Variants in PITPNC1 observed in about 807,000 individuals in gnomAD.
PITPNC1 encodes the protein cytoplasmic phosphatidylinositol transfer protein 1.
In PITPNC1, 18 loss-of-function variants were observed where a neutral mutation model predicts 44.7. The ratio of observed to expected loss-of-function variants is 0.40; its 90% CI spans 0.28 to 0.60. The LOEUF (loss-of-function observed/expected upper bound fraction) is 0.60, where lower values mean the gene tolerates loss of function less well. Among genes scored for constraint, PITPNC1 ranks in the 20% least tolerant of loss-of-function variants. The pLI is 0.39. For missense variants in PITPNC1, 290 were observed against 418.4 expected (o/e 0.69, Z 2.68); for synonymous variants, 141 against 149.6 (o/e 0.94, Z 0.42).
chr17:67,548,505 C>A (rs185754400), intron 2 of PITPNC1, among the ~76,000 whole-genome samples: 5 of 152,108 alleles, frequency 3.3e-5, no homozygotes, highest in South Asian at 2.1e-4. Flanking sequence ...GCTGGAGAAT[C>A]GCTTGGACCT....
At chr17:67,619,299 G>A (rs1178290057) in intron 5 of PITPNC1, among the ~76,000 whole-genome samples, 2 of 152,136 alleles carry the variant, frequency 1.3e-5, no homozygotes, top group African/African-American at 4.8e-5. Flanking sequence ...TTGGCAAAGA[G>A]TTCTATCTGG....
At chr17:67,589,093 A>C (rs1398873310) in intron 5 of PITPNC1, among the ~76,000 whole-genome samples, 1 of 152,220 alleles carries the variant, frequency 6.6e-6, no homozygotes, top group Admixed American at 6.5e-5. Flanking sequence ...GTGGAAAGTC[A>C]ATGTTCTTAT....
intron 6 of PITPNC1, among the ~76,000 whole-genome samples, chr17:67,663,427 G>A (rs2642045): frequency 0.2 from 30,240 of 151,896 alleles, 3,520 homozygotes; most frequent in African/African-American, 0.32. Context: ...AAAATTAGCC[G>A]GGCATGGTGG....
chr17:67,590,661 G>A (rs185741960), intron 5 of PITPNC1, among the ~76,000 whole-genome samples: 4 of 152,122 alleles, frequency 2.6e-5, no homozygotes, highest in Non-Finnish European at 5.9e-5. Context: ...AATGGAAATA[G>A]AAATAATTTT....
rs549346711 is a variant in PITPNC1, at chr17:67,544,408, G to C, written c.198-7849G>C. ...TGAAGCCCAGGAGGGGAGGGAATGG[G>C]GGTGGGGGTGGAGGGGCACTGGAGA... On this transcript the variant is annotated intron_variant, in intron 2 of 8. Coordinates refer to ENST00000581322, the MANE Select transcript of PITPNC1 (RefSeq NM_012417.4). 1.3e-4 allele frequency among the ~76,000 whole-genome samples: 20 copies of C among 152,338 alleles called. No individual in the cohort carries two copies. The South Asian group carries it at 3.5e-3, about 27-fold the overall frequency.
intron 1 of PITPNC1, among the ~76,000 whole-genome samples, chr17:67,514,506 G>A (rs1006875962): frequency 6.6e-6 from 1 of 151,094 alleles, no homozygotes; most frequent in African/African-American, 2.4e-5. Context: ...CCAAATTCAC[G>A]GTTCTTGATA....
chr17:67,471,756 C>T (rs533643005), intron 1 of PITPNC1, among the ~76,000 whole-genome samples: 1 of 151,998 alleles, frequency 6.6e-6, no homozygotes, highest in Admixed American at 6.6e-5. Context: ...AATTATGATA[C>T]ATTTATCAAA....
intron 7 of PITPNC1, among the ~76,000 whole-genome samples, chr17:67,670,213 T>G (rs1046120126): frequency 3.3e-5 from 5 of 152,234 alleles, no homozygotes; most frequent in African/African-American, 1.2e-4. Context: ...TCCATGTCTA[T>G]TAGGCAAGCG....
intron 6 of PITPNC1, among the ~76,000 whole-genome samples, chr17:67,645,689 G>A (rs761537186): frequency 2.0e-5 from 3 of 152,164 alleles, no homozygotes; most frequent in South Asian, 2.1e-4. Flanking sequence ...GGAATCTGAC[G>A]CCATCTGTAG....
At chr17:67,403,216 T>A (rs1050832314) in intron 1 of PITPNC1, among the ~76,000 whole-genome samples, 13 of 10,104 alleles carry the variant, frequency 1.3e-3, no homozygotes, top group African/African-American at 3.9e-3. Flanking sequence ...ACCTCATCTC[T>A]ACAAAAAAAA....
intron 1 of PITPNC1, among the ~76,000 whole-genome samples, chr17:67,465,001 A>T (rs532764168): frequency 6.6e-6 from 1 of 152,316 alleles, no homozygotes; most frequent in African/African-American, 2.4e-5. Flanking sequence ...GGTCTCCCAA[A>T]GTGCTGGGAT....
At chr17:67,619,034 G>T (rs1022434389) in intron 5 of PITPNC1, among the ~76,000 whole-genome samples, 3 of 151,848 alleles carry the variant, frequency 2.0e-5, no homozygotes, top group Non-Finnish European at 2.9e-5. Context: ...ACTCCAGCCT[G>T]GGCGACAGAG....
chr17:67,521,169 A>G (rs551219323), intron 1 of PITPNC1, among the ~76,000 whole-genome samples: 1 of 152,206 alleles, frequency 6.6e-6, no homozygotes, highest in Non-Finnish European at 1.5e-5. Context: ...CAGGAAGCAT[A>G]GCCTGAGCCC....
At chr17:67,400,358 C>T (rs1245214793) in intron 1 of PITPNC1, among the ~76,000 whole-genome samples, 1 of 152,162 alleles carries the variant, frequency 6.6e-6, no homozygotes. Flanking sequence ...GTGTCTCTTG[C>T]TCGGGTGACA....
chr17:67,596,286 G>A (rs2041458504), intron 5 of PITPNC1, among the ~76,000 whole-genome samples: 1 of 151,970 alleles, frequency 6.6e-6, no homozygotes, highest in Admixed American at 6.6e-5. Context: ...GAACCATCTG[G>A]GTCTCTTGGA....
At chr17:67,519,079 A>G (rs1487936383) in intron 1 of PITPNC1, among the ~76,000 whole-genome samples, 8 of 152,150 alleles carry the variant, frequency 5.3e-5, no homozygotes, top group Admixed American at 3.9e-4. Flanking sequence ...GAATTACCAA[A>G]TGATTGAGCA....
intron 1 of PITPNC1, among the ~76,000 whole-genome samples, chr17:67,419,631 C>T (rs1465105105): frequency 1.3e-5 from 2 of 152,172 alleles, no homozygotes; most frequent in African/African-American, 2.4e-5. Flanking sequence ...AGAGGCCAGG[C>T]GCAGTGGCTC....
intron 1 of PITPNC1, among the ~76,000 whole-genome samples, chr17:67,446,685 A>C (rs1172798861): frequency 6.6e-6 from 1 of 151,940 alleles, no homozygotes; most frequent in Non-Finnish European, 1.5e-5. Flanking sequence ...CCAAGTCCCC[A>C]GCAGAATAAG....
intron 2 of PITPNC1, among the ~76,000 whole-genome samples, chr17:67,535,859 A>G (rs1035882696): frequency 1.3e-5 from 2 of 152,256 alleles, no homozygotes; most frequent in African/African-American, 2.4e-5. Context: ...GGGTTCTGAC[A>G]TCTAGGGACT....
Sources: allele counts gnomAD v4.1 joint callset (sites outside exome capture counted in the v4.1 genomes callset), GRCh38; gene constraint gnomAD v4.1.1; transcripts MANE v1.5; gene names NCBI Gene and HGNC (gene_info 2026-07-23, HGNC 2026-07-21).